PCDH15: variants seen among roughly 807,000 people sequenced by gnomAD.
The protein encoded by PCDH15 is protocadherin-15.
Under a neutral mutation model 178.5 loss-of-function variants are expected in PCDH15, and 129 were observed. The ratio of observed to expected loss-of-function variants is 0.72; its 90% CI spans 0.63 to 0.84. The LOEUF (loss-of-function observed/expected upper bound fraction) is 0.84, where lower values mean the gene tolerates loss of function less well. PCDH15 is among the 40% of genes least tolerant of loss of function. PCDH15 has a pLI of 0.00. For synonymous variants in PCDH15, 800 were observed against 732.0 expected (o/e 1.09, Z -1.50); for missense variants, 2,230 against 2,099.9 (o/e 1.06, Z -1.21).
intron 2 of PCDH15, among the ~76,000 whole-genome samples, chr10:55,098,320 C>A (rs1474509000): frequency 6.6e-6 from 1 of 152,052 alleles, no homozygotes; most frequent in African/African-American, 2.4e-5. Flanking sequence ...CTCAAGAAGT[C>A]TGGTTTTGGT....
intron 1 of PCDH15, among the ~76,000 whole-genome samples, chr10:55,246,682 T>G (rs1447631369): frequency 6.6e-6 from 1 of 152,138 alleles, no homozygotes; most frequent in Non-Finnish European, 1.5e-5. Context: ...CTCATGTGTA[T>G]CAGGTGTCTT....
chr10:54,189,332 G>A, intron 11 of PCDH15: 1 of 1,557,414 alleles, frequency 6.4e-7, no homozygotes, highest in Non-Finnish European at 8.7e-7. Context: ...ATTAACAAAA[G>A]AACAATCACA....
rs140109302 is a variant in PCDH15 at position 54,627,490 on chromosome 10, G to A, written c.91+36682C>T. On this transcript the variant is annotated intron_variant, in intron 2 of 37. Transcript: ENST00000644397. ...GCCTGCACAAACTCTCTCTTTGCCT[G>A]CTGCCATCCACATAAGATGTGACGT... Among the ~76,000 whole-genome samples, 537 of 152,210 alleles carry A rather than the reference G, an allele frequency of 3.5e-3. 7 individuals are homozygous for A. Among genetic ancestry groups the A allele is most frequent in the African/African-American group, 0.012 (519 of 41,532 alleles).
At chr10:55,458,014 C>T (rs1298756296) in intron 2 of PCDH15, among the ~76,000 whole-genome samples, 3 of 151,904 alleles carry the variant, frequency 2.0e-5, no homozygotes, top group Non-Finnish European at 4.4e-5. Context: ...AATCATTGCA[C>T]ATGCATATAT....
Position 53,819,149 on chromosome 10 carries a change from AT to A in PCDH15, c.4433+1015del, listed in dbSNP as rs537640327. 4.1e-4 allele frequency among the ~76,000 whole-genome samples: 62 copies of A among 152,054 alleles called. No individual in the cohort carries two copies. The South Asian group carries it at 0.013, about 32-fold the overall frequency. Reference sequence around the variant, plus strand: ...CATTTTCAACTTTTACCAAATTTATATTTTTCAGAAATAATTCAGGTAGGGA... The same window carrying A: ...CATTTTCAACTTTTACCAAATTTATATTTTCAGAAATAATTCAGGTAGGGA... On this transcript the variant is annotated intron_variant, in intron 33 of 37. Coordinates refer to ENST00000644397, the MANE Select transcript of PCDH15 (RefSeq NM_001384140.1).
At chr10:54,851,507 A>C (rs1298886050) in intron 3 of PCDH15, among the ~76,000 whole-genome samples, 1 of 152,220 alleles carries the variant, frequency 6.6e-6, no homozygotes, top group Non-Finnish European at 1.5e-5. Flanking sequence ...ACCAGTCAAT[A>C]TAAACTAACA....
chr10:55,093,128 G>C (rs1184709814), intron 2 of PCDH15, among the ~76,000 whole-genome samples: 2 of 151,994 alleles, frequency 1.3e-5, no homozygotes, highest in Admixed American at 1.3e-4. Context: ...TCTACAGACT[G>C]AAAATACATA....
intron 3 of PCDH15, among the ~76,000 whole-genome samples, chr10:54,480,950 G>A (rs995125912): frequency 2.6e-5 from 4 of 151,864 alleles, no homozygotes; most frequent in Non-Finnish European, 5.9e-5. Context: ...ATAAACATTA[G>A]TATAGAAGTA....
chr10:53,817,973 A>T (rs1403648368), intron 34 of PCDH15, 22 bp downstream of exon 34: 3 of 398,732 alleles, frequency 7.5e-6, no homozygotes, highest in Non-Finnish European at 8.9e-6. Flanking sequence ...TTGTTACGAC[A>T]TCAACACCAT....
chr10:55,572,056 G>A (rs1266110597), intron 2 of PCDH15, among the ~76,000 whole-genome samples: 1 of 151,880 alleles, frequency 6.6e-6, no homozygotes, highest in East Asian at 1.9e-4. Flanking sequence ...TATTCCCAAG[G>A]AATGATTATC....
intron 9 of PCDH15, among the ~76,000 whole-genome samples, chr10:54,235,053 A>G (rs973748003): frequency 2.0e-5 from 3 of 152,116 alleles, no homozygotes; most frequent in African/African-American, 7.2e-5. Context: ...ATCTCTGCCT[A>G]GAACTCTTCC....
At chr10:55,083,936 A>G (rs892013872) in intron 2 of PCDH15, among the ~76,000 whole-genome samples, 4 of 151,934 alleles carry the variant, frequency 2.6e-5, no homozygotes, top group Non-Finnish European at 5.9e-5. Context: ...ACACAACCCA[A>G]AAATGAAGAG....
chr10:54,579,205 T>C (rs1188861798), intron 2 of PCDH15, among the ~76,000 whole-genome samples: 2 of 152,024 alleles, frequency 1.3e-5, no homozygotes, highest in Admixed American at 6.6e-5. Context: ...GACTTGCAAG[T>C]TGTATAAAAC....
intron 26 of PCDH15, among the ~76,000 whole-genome samples, chr10:53,878,180 G>GGCACACAC (rs1554840933): frequency 9.2e-5 from 3 of 32,648 alleles, no homozygotes; most frequent in Non-Finnish European, 1.4e-4. Context: ...GCTATACTAT[G>GGCACACAC]GCACACACAC....
At chr10:54,869,110 G>A (rs1179527288) in intron 3 of PCDH15, 1 of 152,142 alleles carries the variant, frequency 6.6e-6, no homozygotes, top group East Asian at 1.9e-4. Flanking sequence ...GCTCTACTGA[G>A]TTGAATAGTG....
intron 1 of PCDH15, among the ~76,000 whole-genome samples, chr10:54,739,748 T>A (rs1211523755): frequency 6.6e-6 from 1 of 151,928 alleles, no homozygotes; most frequent in Non-Finnish European, 1.5e-5. Context: ...TTCAGCCAAC[T>A]CATTTCAAAA....
chr10:54,658,828 A>G (rs2094448074), intron 2 of PCDH15, among the ~76,000 whole-genome samples: 1 of 152,180 alleles, frequency 6.6e-6, no homozygotes, highest in African/African-American at 2.4e-5. Context: ...AATGCTCCAC[A>G]TAAAAGATAT....
intron 2 of PCDH15, among the ~76,000 whole-genome samples, chr10:54,590,943 A>G (rs983748036): frequency 1.3e-5 from 2 of 152,208 alleles, no homozygotes; most frequent in Admixed American, 6.5e-5. Context: ...AAATAATAGT[A>G]TTTACATGTA....
chr10:54,824,921 G>T (rs1953100680), intron 3 of PCDH15, among the ~76,000 whole-genome samples: 1 of 151,868 alleles, frequency 6.6e-6, no homozygotes, highest in South Asian at 2.1e-4. Flanking sequence ...TGTGCACAAT[G>T]TGCAGGTTAG....
Sources: gnomAD v4.1 joint callset for allele counts (sites outside exome capture counted in the v4.1 genomes callset) on GRCh38, gnomAD v4.1.1 for gene constraint, MANE v1.5 for transcripts, NCBI Gene and HGNC (gene_info 2026-07-23, HGNC 2026-07-21) for gene names.